Variants in COX7B2 observed in about 807,000 individuals in gnomAD.
COX7B2 encodes the protein cytochrome c oxidase subunit 7B2, mitochondrial.
For missense variants in COX7B2, 109 were observed against 95.9 expected, an observed-to-expected ratio of 1.14 and a Z score of -0.57; for synonymous variants, 37 against 32.1, an observed-to-expected ratio of 1.15 and a Z score of -0.51.
intron 2 of COX7B2, among the ~76,000 whole-genome samples, chr4:46,805,260 G>A (rs542734748): frequency 1.3e-5 from 2 of 152,364 alleles, no homozygotes; most frequent in East Asian, 3.9e-4. Context: ...CAGGCTGAAG[G>A]ACTCCTCAAG....
At chr4:46,794,965 G>T (rs944451503) in intron 2 of COX7B2, among the ~76,000 whole-genome samples, 2 of 152,158 alleles carry the variant, frequency 1.3e-5, no homozygotes, top group Admixed American at 1.3e-4. Context: ...CCAATTTACA[G>T]ATTCAGAACC....
chr4:46,870,920 T>G (rs1717951863), intron 1 of COX7B2, among the ~76,000 whole-genome samples: 1 of 151,706 alleles, frequency 6.6e-6, no homozygotes, highest in African/African-American at 2.4e-5. Flanking sequence ...CCCAAAGAAA[T>G]TTACAGATTT....
chr4:46,768,962 G>GA (rs1032469603), intron 2 of COX7B2, among the ~76,000 whole-genome samples: 7 of 151,640 alleles, frequency 4.6e-5, no homozygotes, highest in African/African-American at 7.3e-5. Flanking sequence ...TAGAAAAAAT[G>GA]AAAAAAATTC....
At chr4:46,828,051 A>G (rs2109715571) in intron 2 of COX7B2, among the ~76,000 whole-genome samples, 1 of 152,280 alleles carries the variant, frequency 6.6e-6, no homozygotes, top group Admixed American at 6.5e-5. Context: ...AGCTCATCAA[A>G]CTGTACCCTT....
intron 2 of COX7B2, among the ~76,000 whole-genome samples, chr4:46,756,408 G>A (rs1323316253): frequency 2.6e-5 from 4 of 151,866 alleles, no homozygotes; most frequent in Non-Finnish European, 4.4e-5. Context: ...TTATGACCAA[G>A]TCCTCAAAAG....
intron 1 of COX7B2, among the ~76,000 whole-genome samples, chr4:46,876,924 T>A (rs1323284737): frequency 1.3e-5 from 2 of 152,224 alleles, no homozygotes; most frequent in Non-Finnish European, 2.9e-5. Flanking sequence ...TACTTTTGTA[T>A]ATAAAAATTT....
intron 2 of COX7B2, among the ~76,000 whole-genome samples, chr4:46,787,299 T>C (rs1717799743): frequency 2.0e-5 from 3 of 151,978 alleles, no homozygotes; most frequent in Non-Finnish European, 4.4e-5. Context: ...AATACAAAGT[T>C]AGCCAGGCGT....
At chr4:46,776,416 G>GTC (rs1553883550) in intron 2 of COX7B2, among the ~76,000 whole-genome samples, 124 of 151,636 alleles carry the variant, frequency 8.2e-4, no homozygotes, top group African/African-American at 2.8e-3. Flanking sequence ...GTGTGTGTGT[G>GTC]TGTGTGTCTG....
chr4:46,797,672 G>T (rs995488289), intron 2 of COX7B2, among the ~76,000 whole-genome samples: 2 of 152,164 alleles, frequency 1.3e-5, no homozygotes, highest in African/African-American at 4.8e-5. Flanking sequence ...CAGGGGCAAT[G>T]ATTCCCACCA....
intron 2 of COX7B2, among the ~76,000 whole-genome samples, chr4:46,807,437 A>G (rs1458316193): frequency 6.6e-6 from 1 of 151,902 alleles, no homozygotes; most frequent in Non-Finnish European, 1.5e-5. Context: ...ATAGTTTGCA[A>G]GTATCTTTTT....
At chr4:46,878,935 T>C (rs762814931) in intron 1 of COX7B2, among the ~76,000 whole-genome samples, 8 of 152,150 alleles carry the variant, frequency 5.3e-5, no homozygotes, top group Non-Finnish European at 1.2e-4. Context: ...CAATCAGACA[T>C]GTGCTCAGCT....
chr4:46,804,145 T>C (rs1718835239), intron 2 of COX7B2, among the ~76,000 whole-genome samples: 1 of 151,992 alleles, frequency 6.6e-6, no homozygotes, highest in African/African-American at 2.4e-5. Context: ...CGTCTGGAGT[T>C]GTTGTTCCTC....
chr4:46,787,521 G>C (rs1171818417), intron 2 of COX7B2, among the ~76,000 whole-genome samples: 1 of 152,076 alleles, frequency 6.6e-6, no homozygotes, highest in Non-Finnish European at 1.5e-5. Context: ...TCACCAGAAC[G>C]GCTGGCACAC....
chr4:46,847,818 T>C (rs1299569346), intron 1 of COX7B2, among the ~76,000 whole-genome samples: 10 of 151,850 alleles, frequency 6.6e-5, no homozygotes, highest in African/African-American at 9.7e-5. Flanking sequence ...CAAGGGAAAA[T>C]TGAATCTTCT....
chr4:46,895,421 A>G (rs1483591279), intron 1 of COX7B2, among the ~76,000 whole-genome samples: 1 of 152,154 alleles, frequency 6.6e-6, no homozygotes, highest in Non-Finnish European at 1.5e-5. Context: ...TCTCACTCAT[A>G]AGTGGGAGCT....
intron 2 of COX7B2, among the ~76,000 whole-genome samples, chr4:46,779,850 G>A (rs181794217): frequency 1.3e-3 from 200 of 152,100 alleles, no homozygotes; most frequent in African/African-American, 4.6e-3. Flanking sequence ...ATGGGAAAAT[G>A]GAGGTCAAAT....
chr4:46,818,600 G>A (rs1217185485), intron 2 of COX7B2, among the ~76,000 whole-genome samples: 1 of 151,112 alleles, frequency 6.6e-6, no homozygotes, highest in East Asian at 1.9e-4. Flanking sequence ...TCAAGCCACT[G>A]CACTCCAGCC....
At chr4:46,835,694 T>C (rs529762236) in intron 2 of COX7B2, among the ~76,000 whole-genome samples, 8 of 152,290 alleles carry the variant, frequency 5.3e-5, no homozygotes, top group African/African-American at 1.9e-4. Flanking sequence ...TCAATAGCCT[T>C]TGAAAATGTG....
intron 2 of COX7B2, among the ~76,000 whole-genome samples, chr4:46,744,973 C>G (rs1314934015): frequency 6.6e-6 from 1 of 152,056 alleles, no homozygotes; most frequent in East Asian, 1.9e-4. Flanking sequence ...CTCAGGCAAT[C>G]TGCCTGCCTC....
Sources: gnomAD v4.1 joint callset for allele counts (sites outside exome capture counted in the v4.1 genomes callset) on GRCh38, gnomAD v4.1.1 for gene constraint, MANE v1.5 for transcripts, NCBI Gene and HGNC (gene_info 2026-07-23, HGNC 2026-07-21) for gene names.